RASGRP3: variants seen among roughly 807,000 people sequenced by gnomAD.
The protein encoded by RASGRP3 is RAS guanyl releasing protein 3.
A neutral mutation model predicts 82.7 loss-of-function variants in RASGRP3; 54 were observed. The observed-to-expected ratio is 0.65, with a 90% CI of 0.52 to 0.82. RASGRP3 has a LOEUF of 0.82. RASGRP3 is among the 40% of genes least tolerant of loss of function. The pLI, the probability that RASGRP3 is intolerant of heterozygous loss-of-function variation, is 0.00. For synonymous variants in RASGRP3, 309 were observed against 300.5 expected, an observed-to-expected ratio of 1.03 and a Z score of -0.29; for missense variants, 861 against 828.9, an observed-to-expected ratio of 1.04 and a Z score of -0.48.
chr2:33,481,471 A>G (rs933090544), intron 1 of RASGRP3: 2 of 152,054 alleles, frequency 1.3e-5, no homozygotes, highest in Non-Finnish European at 2.9e-5. Flanking sequence ...TAGTTATGCT[A>G]TCTTTCAAAG....
At chr2:33,562,510 A>G (rs979528195) in intron 17 of RASGRP3, among the ~76,000 whole-genome samples, 2 of 151,926 alleles carry the variant, frequency 1.3e-5, no homozygotes, top group Non-Finnish European at 2.9e-5. Flanking sequence ...GCCTCAAGTG[A>G]TCCTCCCACC....
Position 33,559,151 on chromosome 2 carries a change from A to G in RASGRP3, c.2064+121A>G, listed in dbSNP as rs770622557. ...TCTGAAAGCAGAATGGTTGGGAATGAAGACATGTATCACTTTTAGTCTTGC... is the reference window on the plus strand; with the variant it reads ...TCTGAAAGCAGAATGGTTGGGAATGGAGACATGTATCACTTTTAGTCTTGC... On this transcript the variant is annotated intron_variant, in intron 17 of 17. Transcript: ENST00000403687. 97 of 799,408 alleles carry G rather than the reference A, an allele frequency of 1.2e-4. 1 individual carries two copies. The highest frequency in any genetic ancestry group is 1.9e-5 in the Non-Finnish European group (10 of 519,950). 49.5% of individuals were successfully genotyped at this position (799,408 alleles called of 1,614,324 possible). A position where few individuals can be genotyped will look rare whatever the true frequency, so the allele number is the denominator to read the frequency against.
Position 33,524,473 on chromosome 2 carries a change from G to T in RASGRP3, c.732G>T (p.Val244=). 1.1e-5 allele frequency: 17 copies of T among 1,606,004 alleles called. No homozygotes were observed. The highest frequency in any genetic ancestry group is 1.4e-5 in the Non-Finnish European group (16 of 1,176,110). The change falls in exon 9 of 18, where the codon GTG becomes GTT. Residue 244 remains valine (V), a synonymous_variant. Transcript: ENST00000403687. ...QLKNFNTLMA[V]VGGLSHSSIS... Reference sequence around the variant, plus strand: ...AAAATTTTAACACCCTGATGGCAGTGGTGGGAGGCCTCAGTCATAGTTCCA... The same window carrying T: ...AAAATTTTAACACCCTGATGGCAGTTGTGGGAGGCCTCAGTCATAGTTCCA...
At chr2:33,460,792 G>T (rs1666319499) in intron 2 of RASGRP3, among the ~76,000 whole-genome samples, 1 of 152,086 alleles carries the variant, frequency 6.6e-6, no homozygotes, top group South Asian at 2.1e-4. Context: ...TAGGATTATG[G>T]ACGTGAGCCA....
At chr2:33,504,026 A>G (rs1332277805) in intron 1 of RASGRP3, among the ~76,000 whole-genome samples, 1 of 151,994 alleles carries the variant, frequency 6.6e-6, no homozygotes, top group East Asian at 1.9e-4. Context: ...GACCCCAATC[A>G]TTTTCTCTGT....
intron 13 of RASGRP3, 39 bp from the exon 14 acceptor site, chr2:33,549,565 T>C: frequency 6.3e-7 from 1 of 1,581,900 alleles, no homozygotes; most frequent in Non-Finnish European, 8.6e-7. Context: ...AGCAACCTGT[T>C]ATTTAAAGAT....
Position 33,501,083 on chromosome 2 carries a change from C to A in RASGRP3, c.-260-10627C>A, listed in dbSNP as rs566794051. ...CCACTGCAGTCAATTCCCATTCCTGCCTTCCCTCAGTGCCTGGCAACCACT... is the reference window on the plus strand; with the variant it reads ...CCACTGCAGTCAATTCCCATTCCTGACTTCCCTCAGTGCCTGGCAACCACT... On this transcript the variant is annotated intron_variant, in intron 1 of 17. Coordinates refer to ENST00000403687, the MANE Select transcript of RASGRP3 (RefSeq NM_001139488.2). Among the ~76,000 whole-genome samples the A allele has an allele frequency of 3.3e-5, 5 of 152,334 alleles. No individual in the cohort carries two copies. In the South Asian group the frequency reaches 1.0e-3, roughly 32 times the overall value.
At chr2:33,554,228 G>A (rs1181418047) in intron 14 of RASGRP3, among the ~76,000 whole-genome samples, 1 of 152,032 alleles carries the variant, frequency 6.6e-6, no homozygotes, top group African/African-American at 2.4e-5. Context: ...CCACATGTGG[G>A]GGCATTGTTC....
chr2:33,498,785 T>C (rs1278527084), intron 1 of RASGRP3, among the ~76,000 whole-genome samples: 2 of 152,094 alleles, frequency 1.3e-5, no homozygotes, highest in Non-Finnish European at 2.9e-5. Context: ...CACAACACTT[T>C]CGTAATGCCC....
At chr2:33,545,968 A>AT (rs973702502) in intron 13 of RASGRP3, among the ~76,000 whole-genome samples, 173 of 148,390 alleles carry the variant, frequency 1.2e-3, no homozygotes, top group Middle Eastern at 3.4e-3. Flanking sequence ...ACGCCAGGCA[A>AT]TTTTTTTTTT....
Position 33,516,701 on chromosome 2 carries a change from A to G in RASGRP3, c.173+57A>G, listed in dbSNP as rs200040271. 681 of 1,195,126 alleles carry G rather than the reference A, an allele frequency of 5.7e-4. 2 individuals are homozygous for G. Among genetic ancestry groups the G allele is most frequent in the Admixed American group, 8.5e-4 (41 of 48,256 alleles). The allele number at this position is 1,195,126 out of a possible 1,614,324, so 74.0% of individuals were successfully genotyped here. ...ATCATAAATCAAGCTCTGTATTTAG[A>G]TAGAGTGTCTATCCAAAGCCAGTAA... On this transcript the variant is annotated intron_variant, in intron 4 of 17. Transcript: ENST00000403687.
chr2:33,552,940 C>T (rs1675512470), intron 14 of RASGRP3, among the ~76,000 whole-genome samples: 1 of 152,188 alleles, frequency 6.6e-6, no homozygotes, highest in African/African-American at 2.4e-5. Context: ...GGGAAATACT[C>T]CTGCATACCC....
At chr2:33,522,378 C>T (rs576866930) in intron 7 of RASGRP3, among the ~76,000 whole-genome samples, 2 of 152,316 alleles carry the variant, frequency 1.3e-5, no homozygotes, top group South Asian at 4.1e-4. Context: ...GAGATTTAAC[C>T]ATTCAAGGTT....
intron 1 of RASGRP3, among the ~76,000 whole-genome samples, chr2:33,486,359 G>A (rs1479142955): frequency 6.6e-6 from 1 of 151,862 alleles, no homozygotes; most frequent in Non-Finnish European, 1.5e-5. Context: ...GTAGAGATGG[G>A]GTTTTGCCAT....
At chr2:33,498,205 C>T (rs527626541) in intron 1 of RASGRP3, among the ~76,000 whole-genome samples, 36 of 152,330 alleles carry the variant, frequency 2.4e-4, no homozygotes, top group African/African-American at 8.2e-4. Context: ...TACTATGTGG[C>T]AGTTAATAAG....
chr2:33,509,125 G>T (rs1190974656), intron 1 of RASGRP3, among the ~76,000 whole-genome samples: 2 of 152,214 alleles, frequency 1.3e-5, no homozygotes, highest in Non-Finnish European at 2.9e-5. Context: ...ATCAGGCAGG[G>T]TGTGGTGGCT....
At chr2:33,514,605 A>C (rs1431180858) in intron 2 of RASGRP3, among the ~76,000 whole-genome samples, 1 of 151,500 alleles carries the variant, frequency 6.6e-6, no homozygotes, top group Non-Finnish European at 1.5e-5. Flanking sequence ...GAATTGCTTG[A>C]ACCCGGGAGG....
intron 11 of RASGRP3, among the ~76,000 whole-genome samples, chr2:33,538,358 C>G (rs1006100559): frequency 6.6e-6 from 1 of 151,974 alleles, no homozygotes; most frequent in Admixed American, 6.6e-5. Context: ...CAAAAATTAG[C>G]TGGGCTTGAT....
At chr2:33,457,541 A>G (rs1235599658) in intron 2 of RASGRP3, among the ~76,000 whole-genome samples, 1 of 152,142 alleles carries the variant, frequency 6.6e-6, no homozygotes, top group Non-Finnish European at 1.5e-5. Context: ...TGTTTTGATG[A>G]ATCGCCTCTT....
Sources: gnomAD v4.1 joint callset for allele counts (sites outside exome capture counted in the v4.1 genomes callset) on GRCh38, gnomAD v4.1.1 for gene constraint, MANE v1.5 for transcripts, NCBI Gene and HGNC (gene_info 2026-07-23, HGNC 2026-07-21) for gene names.